The following FAM228B variants were observed in gnomAD, a reference collection of about 807,000 sequenced individuals.
FAM228B encodes family with sequence similarity 228 member B.
FAM228B carries 38 observed loss-of-function variants against 42.6 expected under a neutral mutation model. That is an observed-to-expected ratio of 0.89 (90% CI 0.69 to 1.17). FAM228B has a LOEUF of 1.17. Among genes scored for constraint, FAM228B ranks in the 50% most tolerant of loss-of-function variants. FAM228B has a pLI of 0.00. For synonymous variants in FAM228B, 109 were observed against 122.3 expected (o/e 0.89, Z 0.72); for missense variants, 344 against 367.3 (o/e 0.94, Z 0.52).
In FAM228B at chr2:24,169,387, C is replaced by T; in HGVS notation, c.*46C>T. 1 of 466,592 alleles carries T rather than the reference C, an allele frequency of 2.1e-6. No individual in the cohort carries two copies. The highest frequency in any genetic ancestry group is 4.5e-6 in the Non-Finnish European group (1 of 223,494). 28.9% of individuals were successfully genotyped at this position (466,592 alleles called of 1,614,324 possible). ...GCAACCAAGGAGCACACACCCTGAT[C>T]CTTGATTGGTGAAAGGATACACAAA... On this transcript the variant is annotated 3_prime_UTR_variant, in exon 11 of 11. Coordinates refer to ENST00000615575, the MANE Select transcript of FAM228B (RefSeq NM_001145710.2). This position sits in a 1 kb window ranked among gnomAD's most constrained non-coding sequence, Gnocchi z 4.2.
chr2:24,160,868 A>G (rs1329664176), intron 7 of FAM228B, among the ~76,000 whole-genome samples: 1 of 152,218 alleles, frequency 6.6e-6, no homozygotes, highest in African/African-American at 2.4e-5. Context: ...TCTCTAGGGA[A>G]AAGCATTTTA....
At chr2:24,093,378 A>G (rs1665430368) in intron 2 of FAM228B, among the ~76,000 whole-genome samples, 1 of 145,234 alleles carries the variant, frequency 6.9e-6, no homozygotes, top group Non-Finnish European at 1.5e-5. Flanking sequence ...TTCATCTCCC[A>G]CTTATGAGTG....
At chr2:24,144,608 C>T (rs566124675) in intron 5 of FAM228B, among the ~76,000 whole-genome samples, 139 of 152,260 alleles carry the variant, frequency 9.1e-4, no homozygotes, top group African/African-American at 3.2e-3. Flanking sequence ...GCCTGCTCGG[C>T]CCTGAGACTA....
chr2:24,169,263 A>T lies in FAM228B; in HGVS notation c.*15-93A>T, dbSNP rs576150075. The T allele has an allele frequency of 2.5e-6, 1 of 403,978 alleles. No individual in the cohort carries two copies. Among genetic ancestry groups the T allele is most frequent in the Non-Finnish European group, 5.6e-6 (1 of 178,660 alleles). The allele number at this position is 403,978 out of a possible 1,614,324, so 25.0% of individuals were successfully genotyped here. A position where few individuals can be genotyped will look rare whatever the true frequency, so the allele number is the denominator to read the frequency against. On this transcript the variant is annotated intron_variant, in intron 10 of 10. Transcript: ENST00000615575. The surrounding 1 kb of genome is among the most constrained non-coding windows in gnomAD (Gnocchi z 4.2). Reference sequence around the variant, plus strand: ...CTCTGGCAGGACAGGCTTCAGGGGGATCAGCTCAGCTTAGCTGGGGAACGC... The same window carrying T: ...CTCTGGCAGGACAGGCTTCAGGGGGTTCAGCTCAGCTTAGCTGGGGAACGC...
chr2:24,078,603 T>C (rs1201634159), intron 1 of FAM228B, among the ~76,000 whole-genome samples: 3 of 152,156 alleles, frequency 2.0e-5, no homozygotes, highest in African/African-American at 7.2e-5. Flanking sequence ...AGGTGATCTC[T>C]GGCTCCCTTG....
intron 3 of FAM228B, among the ~76,000 whole-genome samples, chr2:24,116,435 T>G (rs1192924784): frequency 6.6e-6 from 1 of 152,196 alleles, no homozygotes; most frequent in Admixed American, 6.5e-5. Flanking sequence ...CAGTTGATCC[T>G]CCTGCCTCAG....
At chr2:24,109,213 A>G (rs561167667) in intron 3 of FAM228B, among the ~76,000 whole-genome samples, 18 of 152,076 alleles carry the variant, frequency 1.2e-4, no homozygotes, top group Non-Finnish European at 2.4e-4. Context: ...TCCTTATTCA[A>G]TAAATGGTGC....
chr2:24,132,432 A>T (rs530864087), intron 2 of FAM228B, among the ~76,000 whole-genome samples: 1 of 145,162 alleles, frequency 6.9e-6, no homozygotes, highest in South Asian at 2.2e-4. Context: ...CTCTAGTAGA[A>T]TCCAGCCATG....
At chr2:24,125,225 C>T (rs1352611021) in intron 2 of FAM228B, among the ~76,000 whole-genome samples, 3 of 152,078 alleles carry the variant, frequency 2.0e-5, no homozygotes, top group Non-Finnish European at 2.9e-5. Context: ...CACAAACGAA[C>T]GAACAATAAT....
chr2:24,131,004 T>C (rs965246761), intron 2 of FAM228B, among the ~76,000 whole-genome samples: 2 of 152,238 alleles, frequency 1.3e-5, no homozygotes, highest in African/African-American at 4.8e-5. Flanking sequence ...TTCAGTTTTC[T>C]GCATATGGCT....
chr2:24,159,917 C>T (rs958289568), intron 7 of FAM228B, among the ~76,000 whole-genome samples: 13 of 151,892 alleles, frequency 8.6e-5, no homozygotes, highest in Non-Finnish European at 1.5e-4. Flanking sequence ...GCTGCTGCTA[C>T]GATCTTCTCT....
At chr2:24,164,434 A>G (rs1667352354) in intron 9 of FAM228B, 99 bp downstream of exon 9, 3 of 1,295,886 alleles carry the variant, frequency 2.3e-6, no homozygotes, top group Non-Finnish European at 3.1e-6. Context: ...GCAGGCTTCC[A>G]GGAAGAGAGG....
At chr2:24,152,007 T>TACAC (rs1485159224) in intron 7 of FAM228B, among the ~76,000 whole-genome samples, 4 of 152,098 alleles carry the variant, frequency 2.6e-5, no homozygotes, top group African/African-American at 4.8e-5. Context: ...TAGCTGGGAT[T>TACAC]ACAGATGTGT....
At chr2:24,145,647 C>T in intron 5 of FAM228B, among the ~76,000 whole-genome samples, 1 of 151,882 alleles carries the variant, frequency 6.6e-6, no homozygotes, top group Non-Finnish European at 1.5e-5. Flanking sequence ...TTGATCTGCT[C>T]TTCATATATG....
intron 3 of FAM228B, among the ~76,000 whole-genome samples, chr2:24,116,470 G>A (rs1034672322): frequency 3.9e-5 from 6 of 152,124 alleles, no homozygotes; most frequent in Admixed American, 6.5e-5. Flanking sequence ...AGGGCTACAG[G>A]TGCACTCCAC....
chr2:24,084,390 A>ACAGGGCAGGGCAGGACAGGACAGGG lies in FAM228B; in HGVS notation c.-210+3441_-210+3465dup. Reference sequence around the variant, plus strand: ...ACAGGGCAGGGCAGGGCAGGACAGGACAGGGCAGGGCAGGACAGGACAGGG... The same window carrying ACAGGGCAGGGCAGGACAGGACAGGG: ...ACAGGGCAGGGCAGGGCAGGACAGGACAGGGCAGGGCAGGACAGGACAGGGCAGGGCAGGGCAGGACAGGACAGGG... On this transcript the variant is annotated intron_variant, in intron 2 of 10. Coordinates refer to the FAM228B transcript ENST00000613899. This position sits in a 1 kb window ranked among gnomAD's most constrained non-coding sequence, Gnocchi z 8.4. The ACAGGGCAGGGCAGGACAGGACAGGG allele has an allele frequency of 8.6e-7, 1 of 1,159,512 alleles. No individual in the cohort carries two copies. The highest frequency in any genetic ancestry group is 1.2e-6 in the Non-Finnish European group (1 of 825,478). The allele number at this position is 1,159,512 out of a possible 1,614,324, so 71.8% of individuals were successfully genotyped here.
At chr2:24,135,234 T>C (rs1021673317) in intron 3 of FAM228B, 47 bp downstream of exon 3, 2 of 1,115,512 alleles carry the variant, frequency 1.8e-6, no homozygotes, top group Non-Finnish European at 2.6e-6. Flanking sequence ...TTAAATGTAG[T>C]TTTTCCTTTT....
chr2:24,113,283 G>T (rs1354696403), intron 3 of FAM228B, among the ~76,000 whole-genome samples: 1 of 152,078 alleles, frequency 6.6e-6, no homozygotes, highest in Admixed American at 6.6e-5. Context: ...TTTTCAAAAA[G>T]AATCAAAGGC....
chr2:24,091,911 C>T (rs1179652757), intron 2 of FAM228B, among the ~76,000 whole-genome samples: 1 of 151,684 alleles, frequency 6.6e-6, no homozygotes, highest in Admixed American at 6.6e-5. Context: ...AGAACAAATC[C>T]CCCCAAATGA....
Sources: gnomAD v4.1 joint callset for allele counts (sites outside exome capture counted in the v4.1 genomes callset) on GRCh38, gnomAD v4.1.1 for gene constraint, Gnocchi (gnomAD v3.1) non-coding constraint, MANE v1.5 for transcripts, NCBI Gene and HGNC (gene_info 2026-07-23, HGNC 2026-07-21) for gene names.